NAALADL2: variants seen among roughly 807,000 people sequenced by gnomAD.
NAALADL2 encodes N-acetylated alpha-linked acidic dipeptidase like 2, also known as inactive N-acetylated-alpha-linked acidic dipeptidase-like protein 2.
NAALADL2 carries 76 observed loss-of-function variants against 87.2 expected under a neutral mutation model. The observed-to-expected ratio is 0.87, with a 90% CI of 0.72 to 1.05. The LOEUF (loss-of-function observed/expected upper bound fraction) is 1.05, where lower values mean the gene tolerates loss of function less well. Ranked by LOEUF, NAALADL2 falls within the 50% of genes least tolerant of loss-of-function variation. NAALADL2 has a pLI of 0.00. For missense variants in NAALADL2, 1,089 were observed against 945.8 expected (o/e 1.15, Z -1.99); for synonymous variants, 354 against 331.0 (o/e 1.07, Z -0.75).
At chr3:175,638,971 A>G (rs377316676) in intron 11 of NAALADL2, among the ~76,000 whole-genome samples, 3 of 152,280 alleles carry the variant, frequency 2.0e-5, no homozygotes. Flanking sequence ...AGTGAAATTT[A>G]TCCCTTCTTG....
At chr3:174,808,585 T>C (rs938381224) in intron 3 of NAALADL2, among the ~76,000 whole-genome samples, 1 of 152,180 alleles carries the variant, frequency 6.6e-6, no homozygotes, top group African/African-American at 2.4e-5. Context: ...ATAAACTGTT[T>C]GAACATGCTG....
At chr3:174,949,744 AAAAC>A (rs1044324008) in intron 1 of NAALADL2, among the ~76,000 whole-genome samples, 23 of 152,328 alleles carry the variant, frequency 1.5e-4, no homozygotes, top group African/African-American at 4.8e-4. Flanking sequence ...ATGGCCAAAG[AAAAC>A]AAACAAAGTT....
At chr3:174,634,495 T>TA (rs892360504) in intron 2 of NAALADL2, among the ~76,000 whole-genome samples, 25 of 150,078 alleles carry the variant, frequency 1.7e-4, no homozygotes, top group African/African-American at 3.4e-4. Context: ...GCATTTGATG[T>TA]AAAAAAAAAA....
At chr3:174,855,980 G>GTA (rs57039020), upstream of NAALADL2, among the ~76,000 whole-genome samples, 2,234 of 142,924 alleles carry the variant, frequency 0.016, 43 homozygotes, top group African/African-American at 0.036. Flanking sequence ...GTGTGTGTGT[G>GTA]TATATATATA....
chr3:175,490,206 T>C (rs137897426), intron 9 of NAALADL2, among the ~76,000 whole-genome samples: 2 of 152,276 alleles, frequency 1.3e-5, no homozygotes, highest in East Asian at 1.9e-4. Flanking sequence ...TTTGCTGTAA[T>C]GGTGTGAAGA....
At chr3:175,771,163 A>G (rs1459554243) in intron 13 of NAALADL2, among the ~76,000 whole-genome samples, 1 of 152,148 alleles carries the variant, frequency 6.6e-6, no homozygotes, top group East Asian at 1.9e-4. Flanking sequence ...ATTTATTATT[A>G]TAAGTCACAA....
chr3:175,135,732 A>G (rs1452230619), intron 2 of NAALADL2, among the ~76,000 whole-genome samples: 1 of 152,204 alleles, frequency 6.6e-6, no homozygotes, highest in Non-Finnish European at 1.5e-5. Flanking sequence ...GAGGATAGAT[A>G]AAACTAATGT....
chr3:174,992,366 T>A (rs527911730), intron 1 of NAALADL2, among the ~76,000 whole-genome samples: 1 of 152,176 alleles, frequency 6.6e-6, no homozygotes. Context: ...TAACAATGAA[T>A]CTCTCAGGAA....
chr3:175,712,253 CA>C (rs1740632395), intron 11 of NAALADL2, among the ~76,000 whole-genome samples: 1 of 151,982 alleles, frequency 6.6e-6, no homozygotes, highest in Non-Finnish European at 1.5e-5. Context: ...TCCCTATTGA[CA>C]TTTCAATGAG....
At chr3:175,114,863 C>T (rs1165925063) in intron 2 of NAALADL2, among the ~76,000 whole-genome samples, 1 of 151,540 alleles carries the variant, frequency 6.6e-6, no homozygotes, top group East Asian at 1.9e-4. Context: ...TCTAAGATGA[C>T]GTATATTGGC....
chr3:175,470,559 G>C (rs538892011), intron 8 of NAALADL2, among the ~76,000 whole-genome samples: 13 of 152,146 alleles, frequency 8.5e-5, no homozygotes, highest in Non-Finnish European at 1.9e-4. Context: ...AGTCCTTGTA[G>C]TCTTCCATTT....
chr3:174,811,238 G>A (rs917829528), intron 3 of NAALADL2, among the ~76,000 whole-genome samples: 5 of 152,132 alleles, frequency 3.3e-5, no homozygotes, highest in African/African-American at 1.2e-4. Flanking sequence ...GTAAGAAGAG[G>A]CACTCTGTCC....
chr3:175,007,584 A>G (rs1749205158), intron 1 of NAALADL2, among the ~76,000 whole-genome samples: 1 of 152,190 alleles, frequency 6.6e-6, no homozygotes, highest in Middle Eastern at 3.2e-3. Context: ...TTTTAGAAAC[A>G]TTTCCTAAAG....
intron 11 of NAALADL2, among the ~76,000 whole-genome samples, chr3:175,713,402 A>T (rs1239167018): frequency 6.6e-6 from 1 of 152,112 alleles, no homozygotes; most frequent in Non-Finnish European, 1.5e-5. Context: ...GGTGATTCAT[A>T]CATTTTTGTT....
At position 174,913,141 on chromosome 3, in the gene NAALADL2, C is replaced by CTTAAAATATAGTA. The variant is rs1485495153; in HGVS notation, c.43+53694_43+53695insAAATATAGTATTA. Among the ~76,000 whole-genome samples the CTTAAAATATAGTA allele has an allele frequency of 3.3e-5, 5 of 152,150 alleles. No homozygotes were observed. In the South Asian group the frequency reaches 1.0e-3, roughly 32 times the overall value. On this transcript the variant is annotated intron_variant, in intron 1 of 13. Coordinates refer to ENST00000454872, the MANE Select transcript of NAALADL2 (RefSeq NM_207015.3). ...GACTGGATAAAATATAGTATTATGA[C>CTTAAAATATAGTA]TTATTGGTATGAAAAAAGTTTTGGT...
intron 1 of NAALADL2, among the ~76,000 whole-genome samples, chr3:174,980,587 G>T (rs79253182): frequency 6.6e-6 from 1 of 151,640 alleles, no homozygotes; most frequent in Non-Finnish European, 1.5e-5. Context: ...GAAAGATCAA[G>T]GTATTATAAG....
intron 1 of NAALADL2, among the ~76,000 whole-genome samples, chr3:174,926,025 G>A (rs187003110): frequency 2.1e-3 from 320 of 152,256 alleles, no homozygotes; most frequent in Non-Finnish European, 3.5e-3. Context: ...ACTTGATAGA[G>A]CTGAAAACCA....
chr3:174,568,137 T>G (rs544111789), intron 2 of NAALADL2, among the ~76,000 whole-genome samples: 8 of 151,882 alleles, frequency 5.3e-5, no homozygotes, highest in Middle Eastern at 3.4e-3. Flanking sequence ...AATAGATTTG[T>G]TTGGATTTAT....
chr3:174,867,193 A>T (rs1367943715), intron 1 of NAALADL2, among the ~76,000 whole-genome samples: 2 of 151,932 alleles, frequency 1.3e-5, no homozygotes, highest in African/African-American at 4.8e-5. Context: ...ATTGGGTACT[A>T]ATTTAAGGCA....
Sources: allele counts gnomAD v4.1 joint callset (sites outside exome capture counted in the v4.1 genomes callset), GRCh38; gene constraint gnomAD v4.1.1; transcripts MANE v1.5; gene names NCBI Gene and HGNC (gene_info 2026-07-23, HGNC 2026-07-21).